Variants in NRG1 observed in about 807,000 individuals in gnomAD.
The protein encoded by NRG1 is neuregulin 1.
NRG1 carries 18 observed loss-of-function variants against 63.8 expected under a neutral mutation model. That is an observed-to-expected ratio of 0.28 (90% confidence interval 0.19 to 0.42). NRG1 has a LOEUF of 0.42. NRG1 is among the 10% of genes least tolerant of loss of function. The pLI is 1.00. For synonymous variants in NRG1, 302 were observed against 301.3 expected (o/e 1.00, Z -0.02); for missense variants, 762 against 814.7 (o/e 0.94, Z 0.79).
chr8:31,754,245 T>C (rs1816751906), intron 1 of NRG1, among the ~76,000 whole-genome samples: 1 of 152,116 alleles, frequency 6.6e-6, no homozygotes, highest in Admixed American at 6.5e-5. Flanking sequence ...TAATTCCCAA[T>C]GTTGGAGGTG....
At chr8:32,404,803 T>C (rs1357829226) in intron 1 of NRG1, among the ~76,000 whole-genome samples, 2 of 152,062 alleles carry the variant, frequency 1.3e-5, no homozygotes, top group African/African-American at 4.8e-5. Flanking sequence ...CAGGCTTGTC[T>C]TGAACTCCTA....
intron 1 of NRG1, among the ~76,000 whole-genome samples, chr8:32,331,368 A>AAAG (rs1802631334): frequency 6.7e-6 from 1 of 149,020 alleles, no homozygotes; most frequent in Non-Finnish European, 1.5e-5. Flanking sequence ...AAAAATACAA[A>AAAG]AAAAAAAAAA....
chr8:32,465,133 A>T (rs1822899112), intron 1 of NRG1, among the ~76,000 whole-genome samples: 1 of 152,156 alleles, frequency 6.6e-6, no homozygotes, highest in Non-Finnish European at 1.5e-5. Context: ...AGCATGGGTG[A>T]CAGAGTGAGA....
chr8:31,979,015 A>G (rs1808647757), intron 1 of NRG1, among the ~76,000 whole-genome samples: 1 of 152,190 alleles, frequency 6.6e-6, no homozygotes, highest in Non-Finnish European at 1.5e-5. Context: ...AACCTATGTG[A>G]TAAAGTCAGA....
intron 1 of NRG1, among the ~76,000 whole-genome samples, chr8:32,364,639 A>C (rs1364956576): frequency 6.6e-6 from 1 of 152,116 alleles, no homozygotes; most frequent in Non-Finnish European, 1.5e-5. Flanking sequence ...ACATCCTTGT[A>C]CTTGTGAGAT....
At chr8:32,058,277 A>G (rs1214032400) in intron 1 of NRG1, among the ~76,000 whole-genome samples, 1 of 152,110 alleles carries the variant, frequency 6.6e-6, no homozygotes. Context: ...ATGGCTGTAT[A>G]TAAAGGCTAT....
At chr8:32,050,704 C>T (rs1286801077) in intron 1 of NRG1, among the ~76,000 whole-genome samples, 1 of 152,054 alleles carries the variant, frequency 6.6e-6, no homozygotes, top group Non-Finnish European at 1.5e-5. Flanking sequence ...CTATGGTGGC[C>T]AGTCATTTGT....
intron 11 of NRG1, chr8:32,763,425 A>C: frequency 6.5e-7 from 1 of 1,530,094 alleles, no homozygotes; most frequent in Non-Finnish European, 8.9e-7. Context: ...ATATAAGCTG[A>C]GAGGTTTCCA....
At chr8:31,918,806 A>C (rs1349490506) in intron 1 of NRG1, among the ~76,000 whole-genome samples, 1 of 149,410 alleles carries the variant, frequency 6.7e-6, no homozygotes, top group East Asian at 2.0e-4. Context: ...CCTCTGGTAG[A>C]ATTCGGCTGT....
chr8:31,716,131 A>G (rs1203209631), intron 1 of NRG1, among the ~76,000 whole-genome samples: 2 of 152,192 alleles, frequency 1.3e-5, no homozygotes, highest in African/African-American at 4.8e-5. Context: ...TGATAGTCAG[A>G]GGGAGAAGCT....
At chr8:32,093,178 C>T (rs1299704777) in intron 1 of NRG1, among the ~76,000 whole-genome samples, 3 of 152,130 alleles carry the variant, frequency 2.0e-5, no homozygotes, top group Non-Finnish European at 2.9e-5. Context: ...GTAACCCTAG[C>T]CCCAACCGTG....
chr8:32,715,190 T>C (rs1345710006), intron 5 of NRG1, among the ~76,000 whole-genome samples: 2 of 152,110 alleles, frequency 1.3e-5, no homozygotes, highest in African/African-American at 4.8e-5. Flanking sequence ...CCTGTGCTCT[T>C]GCCATCCACC....
intron 1 of NRG1, among the ~76,000 whole-genome samples, chr8:32,582,157 G>T (rs1010007703): frequency 1.3e-5 from 2 of 149,880 alleles, no homozygotes; most frequent in African/African-American, 4.9e-5. Flanking sequence ...GAGTGCAGTG[G>T]CATGGTTTCA....
Position 31,640,312 on chromosome 8 carries a change from G to C in NRG1, c.37+881G>C. The C allele has an allele frequency of 7.8e-6, 9 of 1,153,736 alleles. No homozygotes were observed. Among genetic ancestry groups the C allele is most frequent in the Non-Finnish European group, 9.6e-6 (9 of 938,938 alleles). 71.5% of individuals were successfully genotyped at this position (1,153,736 alleles called of 1,614,324 possible). On this transcript the variant is annotated intron_variant, in intron 1 of 10. Transcript: ENST00000519301. This position sits in a 1 kb window ranked among gnomAD's most constrained non-coding sequence, Gnocchi z 6.3. ...GGCGGCGGCGGCGGGCGAGGCAGGGGCGTGGGGCGGCGATCGCGAGCCGCC... is the reference window on the plus strand; with the variant it reads ...GGCGGCGGCGGCGGGCGAGGCAGGGCCGTGGGGCGGCGATCGCGAGCCGCC...
At chr8:31,927,695 G>A (rs1326935933) in intron 1 of NRG1, among the ~76,000 whole-genome samples, 6 of 149,342 alleles carry the variant, frequency 4.0e-5, no homozygotes, top group African/African-American at 1.2e-4. Context: ...TGATCCGCCC[G>A]CCTCGGCCTC....
At chr8:32,441,139 G>C (rs1269442004) in intron 1 of NRG1, 1 of 152,184 alleles carries the variant, frequency 6.6e-6, no homozygotes, top group East Asian at 1.9e-4. Flanking sequence ...AAAGACCTTA[G>C]TGTTCTCATG....
At chr8:32,676,835 C>T (rs992699298) in intron 5 of NRG1, among the ~76,000 whole-genome samples, 4 of 152,176 alleles carry the variant, frequency 2.6e-5, no homozygotes, top group Middle Eastern at 3.4e-3. Context: ...TCTAACTTGC[C>T]TAAGTTTCTT....
At chr8:32,322,618 G>A (rs116201876) in intron 1 of NRG1, among the ~76,000 whole-genome samples, 3,130 of 152,158 alleles carry the variant, frequency 0.021, 98 homozygotes, top group African/African-American at 0.07. Context: ...CAGTGGGATT[G>A]TGGAGATCGT....
exon 1 of NRG1, chr8:32,548,469 A>G: frequency 8.5e-7 from 1 of 1,182,920 alleles, no homozygotes; most frequent in Non-Finnish European, 1.0e-6. Flanking sequence ...GGTGGGACCC[A>G]TCGACGACTT....
Sources: allele counts gnomAD v4.1 joint callset (sites outside exome capture counted in the v4.1 genomes callset), GRCh38; gene constraint gnomAD v4.1.1; non-coding constraint Gnocchi (gnomAD v3.1); transcripts MANE v1.5; gene names NCBI Gene and HGNC (gene_info 2026-07-23, HGNC 2026-07-21).